NWD2: variants seen among roughly 807,000 people sequenced by gnomAD.
NWD2 encodes the protein NACHT and WD repeat domain containing 2, also known as NACHT and WD repeat domain-containing protein 2.
NWD2 carries 37 observed loss-of-function variants against 132.7 expected under a neutral mutation model. The observed-to-expected ratio is 0.28, with a 90% CI of 0.21 to 0.37. The LOEUF (loss-of-function observed/expected upper bound fraction) is 0.37. NWD2 is among the 10% of genes least tolerant of loss of function. The probability of loss-of-function intolerance (pLI) is 1.00; values close to 1 mark genes in which losing one functional copy is unlikely to be tolerated. For missense variants in NWD2, 1,592 were observed against 2,122.4 expected, an observed-to-expected ratio of 0.75 and a Z score of 4.91; for synonymous variants, 705 against 803.0, an observed-to-expected ratio of 0.88 and a Z score of 2.06.
intron 1 of NWD2, among the ~76,000 whole-genome samples, chr4:37,278,666 C>T (rs1227035752): frequency 1.3e-5 from 2 of 152,110 alleles, no homozygotes; most frequent in Admixed American, 1.3e-4. Context: ...TCCACCAGCC[C>T]CTGAACCTTC....
chr4:37,355,962 A>G (rs1719863625), intron 2 of NWD2, among the ~76,000 whole-genome samples: 1 of 152,026 alleles, frequency 6.6e-6, no homozygotes, highest in Non-Finnish European at 1.5e-5. Context: ...AATATTCATT[A>G]TGGTTTCTTT....
intron 4 of NWD2, 151 bp from the exon 5 acceptor site, chr4:37,433,725 G>T (rs1444713079): frequency 5.6e-6 from 3 of 538,374 alleles, no homozygotes; most frequent in Non-Finnish European, 6.4e-6. Context: ...AACTTTCAGG[G>T]TTATTGAGAT....
intron 1 of NWD2, among the ~76,000 whole-genome samples, chr4:37,309,113 C>T (rs1337234671): frequency 3.3e-5 from 5 of 152,142 alleles, no homozygotes; most frequent in African/African-American, 9.7e-5. Context: ...GGCCCCCATC[C>T]TGGGGTAGCC....
At chr4:37,294,374 A>G (rs1481664900) in intron 1 of NWD2, among the ~76,000 whole-genome samples, 1 of 152,116 alleles carries the variant, frequency 6.6e-6, no homozygotes, top group African/African-American at 2.4e-5. Flanking sequence ...GTCTGCTTTT[A>G]TATGCCCCAC....
intron 3 of NWD2, among the ~76,000 whole-genome samples, chr4:37,419,519 T>G (rs551508865): frequency 1.3e-5 from 2 of 152,214 alleles, no homozygotes; most frequent in East Asian, 1.9e-4. Context: ...AGGGCTAATA[T>G]CCAGAATCTA....
In NWD2 at chr4:37,444,554, A is replaced by T; in HGVS notation, c.2566A>T (p.Met856Leu). 3 of 1,551,868 alleles carry T rather than the reference A, an allele frequency of 1.9e-6. No homozygotes were observed. The highest frequency in any genetic ancestry group is 2.6e-6 in the Non-Finnish European group (3 of 1,147,044). ...CGATGACCTGCTTTACGGCATCATC[A>T]TGAACTTCAGCTGGCTTTATACCAT... ...KTDDLLYGII[M>L]NFSWLYTMIK... The change falls in exon 7 of 7, where the codon ATG (methionine) becomes TTG (leucine). Residue 856 changes from methionine to leucine, a missense_variant. By Grantham distance (15) the Met-to-Leu change is conservative (BLOSUM62 2). Coordinates refer to ENST00000309447, the MANE Select transcript of NWD2 (RefSeq NM_001144990.2). The surrounding 1 kb of genome is among the most constrained non-coding windows in gnomAD (Gnocchi z 4.8).
intron 1 of NWD2, among the ~76,000 whole-genome samples, chr4:37,278,077 C>T (rs1718060533): frequency 1.3e-5 from 2 of 152,038 alleles, no homozygotes; most frequent in South Asian, 4.2e-4. Context: ...TCATATTCAA[C>T]CACCTTGTGA....
At chr4:37,350,165 G>T (rs1001971990) in intron 2 of NWD2, among the ~76,000 whole-genome samples, 2 of 152,002 alleles carry the variant, frequency 1.3e-5, no homozygotes, top group African/African-American at 4.8e-5. Flanking sequence ...TCTTTATATG[G>T]GCTCTTCTTT....
chr4:37,444,045 G>A lies in NWD2; in HGVS notation c.2057G>A (p.Ser686Asn), dbSNP rs1447554191. The stretch of plus-strand genomic sequence containing the variant: ...GAGGATGTGTTAGCCCTAGACAACA[G>A]TGTAATGAGTGAGCTCAAAGAAAAC... The part of the protein sequence containing the change: ...ELEDVLALDN[S>N]VMSELKENTR... Residue 686 changes from serine (S) to asparagine (N), a missense_variant, in exon 7 of 7, where the codon AGT becomes AAT. Coordinates refer to ENST00000309447, the MANE Select transcript of NWD2 (RefSeq NM_001144990.2). The surrounding 1 kb of genome is among the most constrained non-coding windows in gnomAD (Gnocchi z 4.8). 1 of 1,551,952 alleles carries A rather than the reference G, an allele frequency of 6.4e-7. No individual in the cohort carries two copies. Among genetic ancestry groups the A allele is most frequent in the South Asian group, 1.2e-5 (1 of 84,054 alleles).
chr4:37,318,538 C>G (rs919120201), intron 1 of NWD2, among the ~76,000 whole-genome samples: 2 of 151,988 alleles, frequency 1.3e-5, no homozygotes, highest in East Asian at 3.9e-4. Context: ...ATGCCATCAC[C>G]CTAGTACTGA....
rs2109326018 is a variant in NWD2 at position 37,430,462 on chromosome 4, A to G, written c.358-110A>G. ...ACCAAAAGAGAAAACTGATGGAGCAATGTATCTTGTTATCTATTGATTAAT... is the reference window on the plus strand; with the variant it reads ...ACCAAAAGAGAAAACTGATGGAGCAGTGTATCTTGTTATCTATTGATTAAT... On this transcript the variant is annotated intron_variant, in intron 3 of 6. Transcript: ENST00000309447. The G allele has an allele frequency of 7.8e-6, 6 of 764,850 alleles. No homozygotes were observed. The South Asian group carries it at 1.1e-4, about 14-fold the overall frequency. The allele number at this position is 764,850 out of a possible 1,614,324, so 47.4% of individuals were successfully genotyped here. A position where few individuals can be genotyped will look rare whatever the true frequency, so the allele number is the denominator to read the frequency against.
In NWD2 at chr4:37,439,428, C is replaced by T. The variant is rs1232424731; in HGVS notation, c.1296+38C>T. The T allele has an allele frequency of 1.9e-5, 25 of 1,319,774 alleles. No homozygotes were observed. The highest frequency in any genetic ancestry group is 2.3e-5 in the Non-Finnish European group (23 of 994,994). 81.8% of individuals were successfully genotyped at this position (1,319,774 alleles called of 1,614,324 possible). A position where few individuals can be genotyped will look rare whatever the true frequency, so the allele number is the denominator to read the frequency against. ...TCTTTCCCGTGTATATTTGTAAAAA[C>T]TTGTACTTTTGGAAAATGGTAAATT... On this transcript the variant is annotated intron_variant, in intron 6 of 6. Transcript: ENST00000309447. The surrounding 1 kb of genome is among the most constrained non-coding windows in gnomAD (Gnocchi z 4.5).
chr4:37,280,270 A>G (rs970354074), intron 1 of NWD2, among the ~76,000 whole-genome samples: 1 of 152,234 alleles, frequency 6.6e-6, no homozygotes, highest in Non-Finnish European at 1.5e-5. Flanking sequence ...CTATACATAT[A>G]TTTAAGAAAG....
intron 1 of NWD2, among the ~76,000 whole-genome samples, chr4:37,313,880 TAG>T (rs1718904088): frequency 6.6e-6 from 1 of 150,934 alleles, no homozygotes; most frequent in Non-Finnish European, 1.5e-5. Context: ...TGTATTTTAG[TAG>T]AGACAGGATT....
rs1306491710 is a variant in NWD2, at chr4:37,353,852, C to T, written c.241-2514C>T. On this transcript the variant is annotated intron_variant, in intron 2 of 6. Transcript: ENST00000309447. ...CTTCCGAAGCCTACTTCTGTCAATT[C>T]ATCAAACTCATTCTCCGCCCAGTTT... Among the ~76,000 whole-genome samples, 4 of 152,168 alleles carry T rather than the reference C, an allele frequency of 2.6e-5. No individual in the cohort carries two copies. The East Asian group carries it at 5.9e-4, about 22-fold the overall frequency.
chr4:37,272,675 C>T (rs1429655653), intron 1 of NWD2, among the ~76,000 whole-genome samples: 1 of 151,682 alleles, frequency 6.6e-6, no homozygotes, highest in Non-Finnish European at 1.5e-5. Flanking sequence ...AATCGGTTTT[C>T]AAATGATATA....
At chr4:37,267,134 A>G (rs16993396) in intron 1 of NWD2, among the ~76,000 whole-genome samples, 3,521 of 152,152 alleles carry the variant, frequency 0.023, 87 homozygotes, top group East Asian at 0.084. Flanking sequence ...GTCTAGGTAC[A>G]AATGGTCTTT....
chr4:37,293,495 T>G (rs1718406492), intron 1 of NWD2, among the ~76,000 whole-genome samples: 1 of 152,260 alleles, frequency 6.6e-6, no homozygotes, highest in Non-Finnish European at 1.5e-5. Flanking sequence ...TATACCTATT[T>G]TGTGTCTTCA....
chr4:37,295,154 C>T (rs1718448767), intron 1 of NWD2, among the ~76,000 whole-genome samples: 1 of 151,960 alleles, frequency 6.6e-6, no homozygotes. Flanking sequence ...GGTAAGGCAG[C>T]TTCTTGCATG....
Sources: allele counts gnomAD v4.1 joint callset (sites outside exome capture counted in the v4.1 genomes callset), GRCh38; gene constraint gnomAD v4.1.1; non-coding constraint Gnocchi (gnomAD v3.1); transcripts MANE v1.5; gene names NCBI Gene and HGNC (gene_info 2026-07-23, HGNC 2026-07-21).